The following CCDC191 variants were observed in gnomAD, a reference collection of about 807,000 sequenced individuals.
CCDC191 encodes the protein coiled-coil domain containing 191, also known as coiled-coil domain-containing protein 191.
CCDC191 carries 99 observed loss-of-function variants against 114.0 expected under a neutral mutation model. The observed-to-expected ratio is 0.87, with a 90% CI of 0.74 to 1.03. CCDC191 has a LOEUF of 1.03. Among genes scored for constraint, CCDC191 ranks in the 50% least tolerant of loss-of-function variants. The probability of loss-of-function intolerance (pLI) is 0.00; values close to 1 mark genes in which losing one functional copy is unlikely to be tolerated. For synonymous variants in CCDC191, 351 were observed against 376.0 expected, an observed-to-expected ratio of 0.93 and a Z score of 0.77; for missense variants, 973 against 1,087.0, an observed-to-expected ratio of 0.90 and a Z score of 1.47.
chr3:113,992,643 G>C (rs539858740), intron 13 of CCDC191, among the ~76,000 whole-genome samples: 7 of 152,002 alleles, frequency 4.6e-5, no homozygotes, highest in Non-Finnish European at 1.0e-4. Flanking sequence ...CGAGTTAATG[G>C]GTGCAGCATA....
chr3:114,037,955 C>A (rs969454185), intron 4 of CCDC191, among the ~76,000 whole-genome samples: 1 of 152,120 alleles, frequency 6.6e-6, no homozygotes, highest in African/African-American at 2.4e-5. Context: ...GCTTTCTTTT[C>A]TGTTGGGAAA....
intron 16 of CCDC191, among the ~76,000 whole-genome samples, chr3:113,970,830 T>G (rs1178967516): frequency 6.6e-6 from 1 of 152,132 alleles, no homozygotes; most frequent in Non-Finnish European, 1.5e-5. Context: ...TGGGTTTTTG[T>G]CCTTGCGATA....
chr3:113,969,685 C>T (rs911791577), intron 16 of CCDC191, among the ~76,000 whole-genome samples: 1 of 152,068 alleles, frequency 6.6e-6, no homozygotes, highest in South Asian at 2.1e-4. Flanking sequence ...TCTGGGTTCT[C>T]TATTCTATTT....
chr3:113,971,720 G>C (rs923403543), intron 16 of CCDC191, among the ~76,000 whole-genome samples: 1 of 151,106 alleles, frequency 6.6e-6, no homozygotes, highest in African/African-American at 2.4e-5. Flanking sequence ...CTCCTCTTCA[G>C]TTTTTTTTTG....
At chr3:113,973,536 T>C (rs1941029066) in intron 16 of CCDC191, among the ~76,000 whole-genome samples, 1 of 152,140 alleles carries the variant, frequency 6.6e-6, no homozygotes, top group African/African-American at 2.4e-5. Flanking sequence ...TGAGAAAAAC[T>C]TTCTCTATCC....
chr3:114,017,141 T>TC (rs1356545178), intron 8 of CCDC191, among the ~76,000 whole-genome samples: 4 of 145,914 alleles, frequency 2.7e-5, no homozygotes, highest in African/African-American at 1.0e-4. Flanking sequence ...CTACCTTAAC[T>TC]CCATGTCCTG....
chr3:114,046,461 G>T, intron 3 of CCDC191, 130 bp downstream of exon 3: 1 of 679,046 alleles, frequency 1.5e-6, no homozygotes, highest in Non-Finnish European at 2.6e-6. Flanking sequence ...GAGTAAAATA[G>T]TTTCAGGGGA....
rs975793972 is a variant in CCDC191 at position 114,001,621 on chromosome 3, G to C, written c.2137C>G (p.Arg713Gly). Residue 713 changes from arginine (R) to glycine (G), a missense_variant, in exon 13 of 17, where the codon CGA becomes GGA. Transcript: ENST00000295878. Reference protein sequence around the residue: ...EEKEAQLERKREEKRLKKMKE... With the variant: ...EEKEAQLERKGEEKRLKKMKE... ...ATTTTCTTCAGTCTCTTCTCTTCTC[G>C]TTTTCTTTCAAGCTGTGCCTCCTTT... The C allele has an allele frequency of 6.2e-7, 1 of 1,613,608 alleles. No homozygotes were observed. The highest frequency in any genetic ancestry group is 1.3e-5 in the African/African-American group (1 of 74,858).
Position 113,977,562 on chromosome 3 carries a change from G to A in CCDC191, c.2606+624C>T, listed in dbSNP as rs542370273. 2.6e-5 allele frequency among the ~76,000 whole-genome samples: 4 copies of A among 152,330 alleles called. No individual in the cohort carries two copies. In the East Asian group the frequency reaches 5.8e-4, roughly 22 times the overall value. On this transcript the variant is annotated intron_variant, in intron 16 of 16. Transcript: ENST00000295878. ...TAAATATTAATATGGCATATAGTAT[G>A]ATTCCATGTATATAAAGTTCCAAAC...
intron 13 of CCDC191, chr3:113,984,224 A>AG (rs1024253044): frequency 8.3e-6 from 1 of 120,412 alleles, no homozygotes; most frequent in African/African-American, 3.0e-5. Flanking sequence ...TATCAACAGT[A>AG]GGGTTTTTTT....
chr3:113,968,012 ATTTTC>A (rs1242221197), intron 16 of CCDC191, among the ~76,000 whole-genome samples: 2 of 151,898 alleles, frequency 1.3e-5, no homozygotes, highest in Admixed American at 6.6e-5. Context: ...TATATACCAT[ATTTTC>A]TTTATGCATT....
At chr3:113,980,069 G>T (rs2075087877) in intron 14 of CCDC191, among the ~76,000 whole-genome samples, 1 of 152,132 alleles carries the variant, frequency 6.6e-6, no homozygotes, top group South Asian at 2.1e-4. Context: ...CTTTGAGCTT[G>T]GCCCTTTGAT....
intron 5 of CCDC191, among the ~76,000 whole-genome samples, chr3:114,035,667 A>C (rs1485471685): frequency 6.6e-6 from 1 of 152,184 alleles, no homozygotes; most frequent in Non-Finnish European, 1.5e-5. Flanking sequence ...GAAATCAAAA[A>C]CATGAAAAAG....
At chr3:114,024,557 A>AT (rs1559917712) in intron 7 of CCDC191, among the ~76,000 whole-genome samples, 14 of 152,160 alleles carry the variant, frequency 9.2e-5, no homozygotes, top group Non-Finnish European at 1.8e-4. Flanking sequence ...GTAGGGACAC[A>AT]GATGAAGCTG....
intron 8 of CCDC191, among the ~76,000 whole-genome samples, chr3:114,016,455 C>T (rs1433613138): frequency 3.3e-5 from 5 of 152,184 alleles, no homozygotes; most frequent in Admixed American, 6.5e-5. Flanking sequence ...TTACTTTTAT[C>T]ATCTGTAAAA....
chr3:114,056,483 C>T lies in CCDC191; in HGVS notation c.-17G>A. ...CAGGAGCATTTTCCAAGTTCGAGCCCGAACCTCGGCCAAAGCTGCAGCAAC... is the reference window on the plus strand; with the variant it reads ...CAGGAGCATTTTCCAAGTTCGAGCCTGAACCTCGGCCAAAGCTGCAGCAAC... On this transcript the variant is annotated 5_prime_UTR_variant, in exon 1 of 17. Coordinates refer to ENST00000295878, the MANE Select transcript of CCDC191 (RefSeq NM_020817.2). 1 of 1,614,028 alleles carries T rather than the reference C, an allele frequency of 6.2e-7. No homozygotes were observed. Among genetic ancestry groups the T allele is most frequent in the Non-Finnish European group, 8.5e-7 (1 of 1,180,014 alleles).
intron 2 of CCDC191, among the ~76,000 whole-genome samples, chr3:114,053,152 C>T (rs1483625736): frequency 6.6e-6 from 1 of 152,176 alleles, no homozygotes. Context: ...GTAGAAAACA[C>T]ATCTCTATAA....
At chr3:113,994,867 C>T (rs761444382) in intron 13 of CCDC191, among the ~76,000 whole-genome samples, 8 of 152,116 alleles carry the variant, frequency 5.3e-5, no homozygotes, top group Non-Finnish European at 1.2e-4. Flanking sequence ...CAGGTGTGAA[C>T]ACCTGACTGA....
chr3:114,038,719 C>T (rs1038153261), intron 4 of CCDC191, among the ~76,000 whole-genome samples: 1 of 152,174 alleles, frequency 6.6e-6, no homozygotes, highest in African/African-American at 2.4e-5. Flanking sequence ...GGAATGAGAT[C>T]ATGTCCTTTG....
Sources: allele counts gnomAD v4.1 joint callset (sites outside exome capture counted in the v4.1 genomes callset), GRCh38; gene constraint gnomAD v4.1.1; transcripts MANE v1.5; gene names NCBI Gene and HGNC (gene_info 2026-07-23, HGNC 2026-07-21).